HIPK2: variants seen among roughly 807,000 people sequenced by gnomAD.
HIPK2 encodes the protein homeodomain interacting protein kinase 2.
HIPK2 carries 27 observed loss-of-function variants against 113.7 expected under a neutral mutation model. That is an observed-to-expected ratio of 0.24 (90% CI 0.17 to 0.33). HIPK2 has a LOEUF of 0.33. HIPK2 is among the 10% of genes least tolerant of loss of function. The probability of loss-of-function intolerance (pLI) is 1.00; values close to 1 mark genes in which losing one functional copy is unlikely to be tolerated. For synonymous variants in HIPK2, 631 were observed against 642.2 expected (o/e 0.98, Z 0.26); for missense variants, 1,257 against 1,588.0 (o/e 0.79, Z 3.54).
intron 13 of HIPK2, among the ~76,000 whole-genome samples, chr7:139,581,219 C>T (rs984996242): frequency 1.2e-4 from 19 of 152,026 alleles, no homozygotes; most frequent in South Asian, 8.3e-4. Flanking sequence ...GACTCCTCTC[C>T]GGAAAAAAAA....
intron 2 of HIPK2, among the ~76,000 whole-genome samples, chr7:139,667,056 C>T (rs1185190893): frequency 6.8e-6 from 1 of 146,068 alleles, no homozygotes; most frequent in East Asian, 2.1e-4. Flanking sequence ...CAGAGCGAGA[C>T]TCCTTCTTAA....
intron 1 of HIPK2, among the ~76,000 whole-genome samples, chr7:139,717,267 A>G (rs1795276469): frequency 6.6e-6 from 1 of 152,248 alleles, no homozygotes; most frequent in Admixed American, 6.5e-5. Context: ...ACTCAGAAAC[A>G]GAATTCCAAT....
At chr7:139,729,064 C>T (rs950836381) in intron 1 of HIPK2, among the ~76,000 whole-genome samples, 2 of 152,138 alleles carry the variant, frequency 1.3e-5, no homozygotes, top group Non-Finnish European at 2.9e-5. Flanking sequence ...TGGCTCACAC[C>T]TGTAATTCCA....
At chr7:139,729,727 C>A (rs571547647) in intron 1 of HIPK2, among the ~76,000 whole-genome samples, 1 of 152,346 alleles carries the variant, frequency 6.6e-6, no homozygotes, top group South Asian at 2.1e-4. Flanking sequence ...AGCTGTACTT[C>A]TGGTTTCAAC....
In HIPK2 at chr7:139,668,527, C is replaced by T. The variant is rs74449201; in HGVS notation, c.1104-36802G>A. Among the ~76,000 whole-genome samples the T allele has an allele frequency of 5.0e-3, 728 of 145,952 alleles. 9 individuals are homozygous for T. The highest frequency in any genetic ancestry group is 0.018 in the African/African-American group (693 of 39,416). ...CAGTGAGCAAGCTCCAGTGAGATCG[C>T]GCCACTGCACTCCAGCCTGGGTGAC... On this transcript the variant is annotated intron_variant, in intron 2 of 14. Transcript: ENST00000406875.
chr7:139,735,629 G>C (rs1022603365), intron 1 of HIPK2, among the ~76,000 whole-genome samples: 2 of 152,202 alleles, frequency 1.3e-5, no homozygotes, highest in Non-Finnish European at 2.9e-5. Flanking sequence ...AAGGGGAGAA[G>C]AGATAACTGA....
intron 5 of HIPK2, among the ~76,000 whole-genome samples, chr7:139,627,331 T>C (rs552248709): frequency 3.3e-5 from 5 of 151,920 alleles, no homozygotes; most frequent in Admixed American, 1.3e-4. Flanking sequence ...TGTATGTATG[T>C]ATGTATGCAT....
chr7:139,590,277 G>A (rs1289461044), intron 12 of HIPK2, among the ~76,000 whole-genome samples: 3 of 152,332 alleles, frequency 2.0e-5, no homozygotes, highest in East Asian at 1.9e-4. Flanking sequence ...AAAGAACAAA[G>A]CTGTCAGAGT....
At chr7:139,710,123 ACTT>A (rs554759127) in intron 2 of HIPK2, among the ~76,000 whole-genome samples, 18 of 152,010 alleles carry the variant, frequency 1.2e-4, no homozygotes, top group Non-Finnish European at 2.5e-4. Flanking sequence ...TTTTCATTAA[ACTT>A]CTCCTTTGTT....
intron 2 of HIPK2, among the ~76,000 whole-genome samples, chr7:139,708,500 T>A (rs764318475): frequency 1.6e-4 from 24 of 152,106 alleles, no homozygotes; most frequent in Non-Finnish European, 3.1e-4. Flanking sequence ...GGCAGGAGGG[T>A]CCTTAGATCC....
chr7:139,614,523 T>C (rs765700719), intron 7 of HIPK2, 30 bp from the exon 8 acceptor site: 2 of 1,280,602 alleles, frequency 1.6e-6, no homozygotes, highest in South Asian at 5.8e-5. Context: ...TAAACAAAAA[T>C]AAACAAAAAT....
intron 13 of HIPK2, among the ~76,000 whole-genome samples, chr7:139,580,608 G>A (rs1446197066): frequency 2.0e-5 from 3 of 152,164 alleles, no homozygotes; most frequent in Admixed American, 2.0e-4. Context: ...CAGTGGCCCT[G>A]TCTACACTAG....
chr7:139,614,265 G>A (rs772222123), intron 8 of HIPK2, 21 bp downstream of exon 8: 1 of 1,438,462 alleles, frequency 7.0e-7, no homozygotes, highest in Admixed American at 2.3e-5. Flanking sequence ...CAGGTGAGAG[G>A]CTGTGGCTGC....
chr7:139,658,804 G>C (rs564166811), intron 2 of HIPK2, among the ~76,000 whole-genome samples: 5 of 152,332 alleles, frequency 3.3e-5, no homozygotes, highest in African/African-American at 1.2e-4. Flanking sequence ...TGAAGTGCCT[G>C]CTAATTTTAT....
At chr7:139,681,400 GCAGTGAAATTAT>G (rs1446072803) in intron 2 of HIPK2, among the ~76,000 whole-genome samples, 3 of 152,104 alleles carry the variant, frequency 2.0e-5, no homozygotes, top group Non-Finnish European at 2.9e-5. Context: ...TCAAAATTTT[GCAGTGAAATTAT>G]CAGAACACCT....
intron 12 of HIPK2, among the ~76,000 whole-genome samples, chr7:139,592,688 C>T (rs192055142): frequency 1.0e-3 from 156 of 152,274 alleles, no homozygotes; most frequent in African/African-American, 3.2e-3. Context: ...GATCAGGAGA[C>T]GTGGATCAAG....
chr7:139,646,031 C>T (rs1801207007), intron 2 of HIPK2, among the ~76,000 whole-genome samples: 1 of 152,220 alleles, frequency 6.6e-6, no homozygotes, highest in Non-Finnish European at 1.5e-5. Flanking sequence ...CCAAACCAAA[C>T]CAAACCAAAG....
intron 2 of HIPK2, among the ~76,000 whole-genome samples, chr7:139,711,753 AC>A (rs1460345853): frequency 6.6e-6 from 1 of 152,132 alleles, no homozygotes; most frequent in African/African-American, 2.4e-5. Context: ...CAAAAAAAAA[AC>A]AAAAAAACTA....
intron 2 of HIPK2, among the ~76,000 whole-genome samples, chr7:139,665,523 C>T (rs1169194653): frequency 6.6e-6 from 1 of 152,168 alleles, no homozygotes; most frequent in Non-Finnish European, 1.5e-5. Flanking sequence ...TGACCTGGCT[C>T]TCCTGGATAG....
Sources: gnomAD v4.1 joint callset for allele counts (sites outside exome capture counted in the v4.1 genomes callset) on GRCh38, gnomAD v4.1.1 for gene constraint, MANE v1.5 for transcripts, NCBI Gene and HGNC (gene_info 2026-07-23, HGNC 2026-07-21) for gene names.